EPC2: variants seen among roughly 807,000 people sequenced by gnomAD.
EPC2 encodes enhancer of polycomb homolog 2.
Under a neutral mutation model 92.1 loss-of-function variants are expected in EPC2, and 14 were observed. The ratio of observed to expected loss-of-function variants is 0.15; its 90% CI spans 0.10 to 0.24. EPC2 has a LOEUF of 0.24. Ranked by LOEUF, EPC2 falls within the 10% of genes least tolerant of loss-of-function variation. The pLI is 1.00. For missense variants in EPC2, 755 were observed against 971.5 expected (o/e 0.78, Z 2.96); for synonymous variants, 340 against 334.7 (o/e 1.02, Z -0.17).
chr2:148,776,226 A>AT (rs1683643039), intron 10 of EPC2, among the ~76,000 whole-genome samples: 1 of 152,190 alleles, frequency 6.6e-6, no homozygotes, highest in Admixed American at 6.5e-5. Flanking sequence ...ATATAATGTG[A>AT]TTTAACATCT....
At chr2:148,775,378 C>T (rs544635391) in intron 10 of EPC2, among the ~76,000 whole-genome samples, 1 of 151,806 alleles carries the variant, frequency 6.6e-6, no homozygotes, top group African/African-American at 2.4e-5. Context: ...TTTAACTGTT[C>T]TTTGAAATGA....
intron 1 of EPC2, 109 bp downstream of exon 1, chr2:148,645,279 C>A: frequency 1.0e-6 from 1 of 1,002,344 alleles, no homozygotes; most frequent in Non-Finnish European, 1.5e-6. Context: ...GGCGCCGCTG[C>A]CGCTCTAACG....
chr2:148,754,959 A>T (rs986599229), intron 4 of EPC2, among the ~76,000 whole-genome samples: 2 of 152,198 alleles, frequency 1.3e-5, no homozygotes, highest in African/African-American at 4.8e-5. Flanking sequence ...AGTATCAGGA[A>T]CGTATAAATG....
chr2:148,652,442 A>T (rs561574137), intron 1 of EPC2, among the ~76,000 whole-genome samples: 6 of 152,136 alleles, frequency 3.9e-5, no homozygotes, highest in Admixed American at 2.0e-4. Flanking sequence ...GTGTCCTTTT[A>T]AAAAAAAGCA....
At chr2:148,725,109 T>A (rs184007718) in intron 2 of EPC2, among the ~76,000 whole-genome samples, 7 of 152,218 alleles carry the variant, frequency 4.6e-5, no homozygotes, top group Admixed American at 4.6e-4. Context: ...TCTTTAAGAA[T>A]CTTTATGTCT....
intron 1 of EPC2, among the ~76,000 whole-genome samples, chr2:148,663,027 G>A (rs557229691): frequency 3.3e-5 from 5 of 151,376 alleles, no homozygotes; most frequent in African/African-American, 1.2e-4. Flanking sequence ...GCCTAGTTCA[G>A]GTCAAACATC....
intron 1 of EPC2, among the ~76,000 whole-genome samples, chr2:148,660,133 T>C (rs1680902634): frequency 6.6e-6 from 1 of 152,182 alleles, no homozygotes; most frequent in Admixed American, 6.5e-5. Flanking sequence ...TGGGTGAATG[T>C]ACATTCTTCC....
intron 2 of EPC2, among the ~76,000 whole-genome samples, chr2:148,734,590 T>TG: frequency 6.6e-6 from 1 of 152,144 alleles, no homozygotes; most frequent in Non-Finnish European, 1.5e-5. Flanking sequence ...TAATAATAAT[T>TG]GCTTGCCTTT....
intron 2 of EPC2, among the ~76,000 whole-genome samples, chr2:148,714,524 C>A (rs1204453950): frequency 1.3e-5 from 2 of 152,152 alleles, no homozygotes; most frequent in African/African-American, 4.8e-5. Flanking sequence ...TTTACACTCC[C>A]ACCAACAGTG....
At position 148,743,540 on chromosome 2, in the gene EPC2, GGTA is replaced by G. The variant is rs539937600; in HGVS notation, c.314-79_314-77del. 94 of 1,119,844 alleles carry G rather than the reference GGTA, an allele frequency of 8.4e-5. 1 individual carries two copies. In the African/African-American group the frequency reaches 1.3e-3, roughly 16 times the overall value. 69.4% of individuals were successfully genotyped at this position (1,119,844 alleles called of 1,614,324 possible). A position where few individuals can be genotyped will look rare whatever the true frequency, so the allele number is the denominator to read the frequency against. ...TTTAGTCAGTGCACTGTAATTTAGAGGTAGTCTGCAGTCAAATATGATGAACAA... is the reference window on the plus strand; with the variant it reads ...TTTAGTCAGTGCACTGTAATTTAGAGGTCTGCAGTCAAATATGATGAACAA... On this transcript the variant is annotated intron_variant, in intron 2 of 13. Coordinates refer to ENST00000258484, the MANE Select transcript of EPC2 (RefSeq NM_015630.4).
intron 2 of EPC2, among the ~76,000 whole-genome samples, chr2:148,720,037 A>G (rs1384140194): frequency 1.3e-5 from 2 of 152,156 alleles, no homozygotes; most frequent in African/African-American, 4.8e-5. Flanking sequence ...CAGCTGTGTC[A>G]TGGTAGGGAA....
intron 1 of EPC2, among the ~76,000 whole-genome samples, chr2:148,648,852 A>G (rs1447587359): frequency 1.3e-5 from 2 of 152,218 alleles, no homozygotes; most frequent in African/African-American, 4.8e-5. Flanking sequence ...CATCCTGTGT[A>G]GCCTCTTCTT....
chr2:148,678,750 G>C (rs997319912), intron 1 of EPC2, among the ~76,000 whole-genome samples: 1 of 152,244 alleles, frequency 6.6e-6, no homozygotes, highest in Non-Finnish European at 1.5e-5. Context: ...ATGCAGCCCT[G>C]GTGCCCACTT....
intron 2 of EPC2, among the ~76,000 whole-genome samples, chr2:148,711,829 A>G (rs1290801322): frequency 4.6e-5 from 7 of 152,176 alleles, no homozygotes; most frequent in Non-Finnish European, 1.0e-4. Flanking sequence ...TTATTATGTA[A>G]TATGCCTCTT....
At chr2:148,701,501 C>T (rs1376781623) in intron 2 of EPC2, among the ~76,000 whole-genome samples, 1 of 152,124 alleles carries the variant, frequency 6.6e-6, no homozygotes, top group African/African-American at 2.4e-5. Flanking sequence ...TTTTCTACAT[C>T]TATTGATATG....
chr2:148,724,632 A>G (rs1181528350), intron 2 of EPC2, among the ~76,000 whole-genome samples: 1 of 152,144 alleles, frequency 6.6e-6, no homozygotes, highest in Non-Finnish European at 1.5e-5. Flanking sequence ...CCCACAATGT[A>G]TAAGCTCAGT....
chr2:148,710,963 C>G (rs1317942877), intron 2 of EPC2, among the ~76,000 whole-genome samples: 1 of 152,084 alleles, frequency 6.6e-6, no homozygotes, highest in African/African-American at 2.4e-5. Context: ...CGGATATCCT[C>G]CACTATATTT....
At chr2:148,782,990 A>G (rs535503190) in intron 11 of EPC2, among the ~76,000 whole-genome samples, 1 of 152,214 alleles carries the variant, frequency 6.6e-6, no homozygotes, top group South Asian at 2.1e-4. Flanking sequence ...ACTGACTTTA[A>G]AGATCCTGAC....
At chr2:148,736,210 T>G (rs1168834917) in intron 2 of EPC2, among the ~76,000 whole-genome samples, 1 of 152,184 alleles carries the variant, frequency 6.6e-6, no homozygotes, top group South Asian at 2.1e-4. Context: ...CAGAAATGAT[T>G]ATGAGGATGT....
Sources: allele counts gnomAD v4.1 joint callset (sites outside exome capture counted in the v4.1 genomes callset), GRCh38; gene constraint gnomAD v4.1.1; transcripts MANE v1.5; gene names NCBI Gene and HGNC (gene_info 2026-07-23, HGNC 2026-07-21).